Variants in PREX2 observed in about 807,000 individuals in gnomAD.
The protein encoded by PREX2 is phosphatidylinositol-3,4,5-trisphosphate dependent Rac exchange factor 2.
Under a neutral mutation model 203.2 loss-of-function variants are expected in PREX2, and 107 were observed. The observed-to-expected ratio is 0.53, with a 90% CI of 0.45 to 0.62. PREX2 has a LOEUF of 0.62. Ranked by LOEUF, PREX2 falls within the 20% of genes least tolerant of loss-of-function variation. The pLI is 0.00. For missense variants in PREX2, 1,777 were observed against 1,955.9 expected (o/e 0.91, Z 1.72); for synonymous variants, 672 against 663.6 (o/e 1.01, Z -0.19).
rs755683603 is a variant in PREX2 at position 67,952,373 on chromosome 8, G to C, written c.-22G>C. ...AGCGCTCAGCACGGCGGGCAGCGCC[G>C]CGCTGCGCACCGCCGCCGACCATGA... On this transcript the variant is annotated 5_prime_UTR_variant, in exon 1 of 40. Coordinates refer to ENST00000288368, the MANE Select transcript of PREX2 (RefSeq NM_024870.4). 2 of 1,516,330 alleles carry C rather than the reference G, an allele frequency of 1.3e-6. No homozygotes were observed. The highest frequency in any genetic ancestry group is 1.8e-6 in the Non-Finnish European group (2 of 1,133,714). 93.9% of individuals were successfully genotyped at this position (1,516,330 alleles called of 1,614,324 possible).
chr8:68,037,576 G>A (rs565644853), intron 6 of PREX2, among the ~76,000 whole-genome samples: 2 of 152,204 alleles, frequency 1.3e-5, no homozygotes, highest in South Asian at 4.2e-4. Context: ...TAATCTTGAT[G>A]GGCATGCTAT....
chr8:68,059,713 G>A (rs1808787203), intron 10 of PREX2, among the ~76,000 whole-genome samples: 1 of 152,106 alleles, frequency 6.6e-6, no homozygotes, highest in Non-Finnish European at 1.5e-5. Flanking sequence ...GGCCAGACGG[G>A]GCTCTTAGAT....
At chr8:68,109,656 C>T in intron 25 of PREX2, 33 bp downstream of exon 25, 1 of 1,547,884 alleles carries the variant, frequency 6.5e-7, no homozygotes, top group Non-Finnish European at 8.9e-7. Context: ...TTAAGTTTGC[C>T]AAATAAAATA....
At chr8:68,105,101 C>T in intron 23 of PREX2, 1 of 1,358,068 alleles carries the variant, frequency 7.4e-7, no homozygotes. Context: ...ATGCATGAAC[C>T]ACCATCAATT....
At chr8:68,035,425 C>T (rs1019923150) in intron 6 of PREX2, among the ~76,000 whole-genome samples, 11 of 152,096 alleles carry the variant, frequency 7.2e-5, no homozygotes, top group African/African-American at 2.2e-4. Context: ...TTCAAGGCCT[C>T]CTGTCATCTT....
intron 14 of PREX2, among the ~76,000 whole-genome samples, chr8:68,073,033 G>T (rs374200331): frequency 2.6e-5 from 4 of 151,704 alleles, no homozygotes; most frequent in Non-Finnish European, 5.9e-5. Flanking sequence ...GGAATTTATT[G>T]TTGTTATTGT....
rs778939294 is a variant in PREX2, at chr8:68,157,311, T to C, written c.4232-11T>C. 9 of 1,444,682 alleles carry C rather than the reference T, an allele frequency of 6.2e-6. No individual in the cohort carries two copies. The Admixed American group carries it at 8.7e-5, about 14-fold the overall frequency. 89.5% of individuals were successfully genotyped at this position (1,444,682 alleles called of 1,614,324 possible). On this transcript the variant is annotated splice_polypyrimidine_tract_variant and intron_variant, in intron 34 of 39. Coordinates refer to ENST00000288368, the MANE Select transcript of PREX2 (RefSeq NM_024870.4). ...AAGTTGCTTGTAAAATATGTTTACT[T>C]GTTTACACAGCACTAGAGAGCATGG...
At chr8:68,111,049 A>T (rs1157230044) in intron 25 of PREX2, 1 of 288,668 alleles carries the variant, frequency 3.5e-6, no homozygotes, top group African/African-American at 2.3e-5. Flanking sequence ...TTAGGATATG[A>T]TATTTTACTT....
At chr8:68,191,854 CTGT>C (rs1554584195) in intron 36 of PREX2, 66 bp downstream of exon 36, 1 of 1,110,044 alleles carries the variant, frequency 9.0e-7, no homozygotes, top group African/African-American at 1.6e-5. Flanking sequence ...TAATTTTCTG[CTGT>C]TGTTCTGCAG....
chr8:68,207,266 C>A (rs1373256075), intron 37 of PREX2, among the ~76,000 whole-genome samples: 2 of 152,090 alleles, frequency 1.3e-5, no homozygotes, highest in African/African-American at 4.8e-5. Context: ...AGAATCATAT[C>A]CCATTTAGAA....
intron 25 of PREX2, among the ~76,000 whole-genome samples, chr8:68,113,221 G>T (rs185422150): frequency 6.6e-6 from 1 of 152,254 alleles, no homozygotes; most frequent in Non-Finnish European, 1.5e-5. Flanking sequence ...GTCCCACGGG[G>T]TCAATGCAAG....
chr8:68,223,748 A>C (rs1813003062), intron 38 of PREX2, among the ~76,000 whole-genome samples: 1 of 152,208 alleles, frequency 6.6e-6, no homozygotes, highest in Non-Finnish European at 1.5e-5. Context: ...TCATTGCCAA[A>C]GTAGATTTTA....
In PREX2 at chr8:68,006,615, AC is replaced by A. The variant is rs370196603; in HGVS notation, c.142-11225del. Among the ~76,000 whole-genome samples, 132 of 151,840 alleles carry A rather than the reference AC, an allele frequency of 8.7e-4. 1 individual carries two copies. Among genetic ancestry groups the A allele is most frequent in the African/African-American group, 2.9e-3 (119 of 41,436 alleles). ...GAGCCACTTGGGGCCTCCAGACTAC[AC>A]CCCCCAATATTGGACCTAGTTCAGA... On this transcript the variant is annotated intron_variant, in intron 1 of 39. Transcript: ENST00000288368.
intron 1 of PREX2, chr8:67,952,841 C>T (rs1009156559): frequency 2.1e-6 from 1 of 483,972 alleles, no homozygotes; most frequent in Non-Finnish European, 3.7e-6. Context: ...CCTCACTTTT[C>T]TTTTACCCGC....
chr8:67,984,171 C>A (rs1375488077), intron 1 of PREX2, among the ~76,000 whole-genome samples: 1 of 152,178 alleles, frequency 6.6e-6, no homozygotes, highest in Non-Finnish European at 1.5e-5. Flanking sequence ...AAGAACTGAT[C>A]ACTCCATCTT....
chr8:68,066,991 C>T (rs1404166693), intron 11 of PREX2, among the ~76,000 whole-genome samples: 1 of 152,100 alleles, frequency 6.6e-6, no homozygotes, highest in African/African-American at 2.4e-5. Context: ...AGACTATCTT[C>T]CTCCATTGTG....
At chr8:68,209,548 C>G (rs745404409) in intron 37 of PREX2, among the ~76,000 whole-genome samples, 13 of 152,038 alleles carry the variant, frequency 8.6e-5, no homozygotes, top group Admixed American at 2.6e-4. Context: ...TGCATTTTCC[C>G]CAGGGGAATT....
Position 68,093,390 on chromosome 8 carries a change from C to CA in PREX2, c.2251-194dup, listed in dbSNP as rs56001927. ...GGGCAACAAGAGGGAAACTCCATCT[C>CA]AAAAAAAAAAAAAAAAAAAAAGAAA... On this transcript the variant is annotated intron_variant, in intron 20 of 39. Coordinates refer to ENST00000288368, the MANE Select transcript of PREX2 (RefSeq NM_024870.4). 5.3e-3 allele frequency among the ~76,000 whole-genome samples: 429 copies of CA among 81,204 alleles called. 1 individual carries two copies. The highest frequency in any genetic ancestry group is 8.1e-3 in the Middle Eastern group (1 of 124). The allele number at this position is 81,204 out of a possible 152,430, so 53.3% of individuals were successfully genotyped here.
At chr8:68,013,438 G>T (rs998411088) in intron 1 of PREX2, among the ~76,000 whole-genome samples, 10 of 152,114 alleles carry the variant, frequency 6.6e-5, no homozygotes, top group African/African-American at 2.4e-4. Context: ...GTGCCCAATA[G>T]AAATCTGAGA....
Sources: gnomAD v4.1 joint callset for allele counts (sites outside exome capture counted in the v4.1 genomes callset) on GRCh38, gnomAD v4.1.1 for gene constraint, MANE v1.5 for transcripts, NCBI Gene and HGNC (gene_info 2026-07-23, HGNC 2026-07-21) for gene names.